Variants in GPR158 observed in about 807,000 individuals in gnomAD.
The protein encoded by GPR158 is G protein-coupled receptor 158, also known as metabotropic glycine receptor.
Under a neutral mutation model 78.2 loss-of-function variants are expected in GPR158, and 30 were observed. That is an observed-to-expected ratio of 0.38 (90% confidence interval 0.29 to 0.52). The LOEUF (loss-of-function observed/expected upper bound fraction) is 0.52. Ranked by LOEUF, GPR158 falls within the 20% of genes least tolerant of loss-of-function variation. The pLI is 0.83. For synonymous variants in GPR158, 581 were observed against 591.1 expected (o/e 0.98, Z 0.25); for missense variants, 1,463 against 1,523.5 (o/e 0.96, Z 0.66).
intron 5 of GPR158, among the ~76,000 whole-genome samples, chr10:25,493,270 C>T (rs1835835683): frequency 6.6e-6 from 1 of 152,160 alleles, no homozygotes; most frequent in Non-Finnish European, 1.5e-5. Flanking sequence ...CTGCCTTTGT[C>T]CTCTCTGGTC....
intron 2 of GPR158, among the ~76,000 whole-genome samples, chr10:25,352,237 A>C (rs1445438208): frequency 2.6e-5 from 4 of 152,072 alleles, no homozygotes; most frequent in Non-Finnish European, 5.9e-5. Flanking sequence ...ACCCGTAGTG[A>C]TAAAGGTAAG....
chr10:25,588,992 T>C lies in GPR158; in HGVS notation c.1754-15T>C. ...CACCTATAAAACTCATGAAAATGGTTTGTTATTTTCACAGCTGAATTTTTA... is the reference window on the plus strand; with the variant it reads ...CACCTATAAAACTCATGAAAATGGTCTGTTATTTTCACAGCTGAATTTTTA... On this transcript the variant is annotated splice_polypyrimidine_tract_variant and intron_variant, in intron 7 of 10. Transcript: ENST00000376351. 6.6e-7 allele frequency: 1 copy of C among 1,523,296 alleles called. No homozygotes were observed. The highest frequency in any genetic ancestry group is 8.9e-7 in the Non-Finnish European group (1 of 1,119,752). The allele number at this position is 1,523,296 out of a possible 1,614,324, so 94.4% of individuals were successfully genotyped here.
intron 6 of GPR158, 31 bp downstream of exon 6, chr10:25,551,116 T>C: frequency 8.2e-7 from 1 of 1,214,090 alleles, no homozygotes; most frequent in South Asian, 1.2e-5. Context: ...GTCATTCTCA[T>C]GGAAAGATCA....
chr10:25,188,655 C>T (rs1329279610), intron 1 of GPR158, among the ~76,000 whole-genome samples: 23 of 152,118 alleles, frequency 1.5e-4, no homozygotes, highest in Non-Finnish European at 2.4e-4. Context: ...AAGACTTAAA[C>T]GTTAGACCTA....
rs901783441 is a variant in GPR158 at position 25,517,541 on chromosome 10, G to A, written c.1405-33435G>A. On this transcript the variant is annotated intron_variant, in intron 5 of 10. Transcript: ENST00000376351. ...GACAGCTCTTATTATTTTGAAATAC[G>A]TCCCATCAATACCTAATTTATTGAG... 2.5e-3 allele frequency among the ~76,000 whole-genome samples: 385 copies of A among 152,092 alleles called. 4 individuals carry two copies. The highest frequency in any genetic ancestry group is 8.8e-3 in the African/African-American group (365 of 41,416).
intron 4 of GPR158, among the ~76,000 whole-genome samples, chr10:25,430,966 T>A (rs1040342847): frequency 1.4e-5 from 2 of 145,148 alleles, no homozygotes; most frequent in Non-Finnish European, 1.5e-5. Flanking sequence ...GGACTTCACG[T>A]CTAAAACACC....
chr10:25,383,322 C>T (rs1834181628), intron 2 of GPR158, among the ~76,000 whole-genome samples: 1 of 152,080 alleles, frequency 6.6e-6, no homozygotes, highest in Non-Finnish European at 1.5e-5. Context: ...GAATAAGGCT[C>T]AGTAATCAAT....
In GPR158 at chr10:25,229,239, T is replaced by C. The variant is rs919345788; in HGVS notation, c.1008+8082T>C. 1.2e-4 allele frequency among the ~76,000 whole-genome samples: 18 copies of C among 152,064 alleles called. 1 individual carries two copies. Among genetic ancestry groups the C allele is most frequent in the African/African-American group, 4.3e-4 (18 of 41,402 alleles). On this transcript the variant is annotated intron_variant, in intron 2 of 10. Coordinates refer to ENST00000376351, the MANE Select transcript of GPR158 (RefSeq NM_020752.3). Reference sequence around the variant, plus strand: ...ATTTGAAGAACCTTGAGCATACCTGTGAGGAGGTGGCAGATTCATCGCTAT... The same window carrying C: ...ATTTGAAGAACCTTGAGCATACCTGCGAGGAGGTGGCAGATTCATCGCTAT...
chr10:25,225,585 T>C (rs1218346821), intron 2 of GPR158, among the ~76,000 whole-genome samples: 1 of 152,162 alleles, frequency 6.6e-6, no homozygotes, highest in Non-Finnish European at 1.5e-5. Flanking sequence ...ATGTTTCTTT[T>C]ATTAAAAAGT....
intron 2 of GPR158, among the ~76,000 whole-genome samples, chr10:25,361,417 G>C (rs1362932581): frequency 1.3e-5 from 2 of 151,874 alleles, no homozygotes; most frequent in Non-Finnish European, 2.9e-5. Context: ...ATATCTCTCA[G>C]AGATCCTGCT....
At chr10:25,563,789 TA>T (rs1836889653) in intron 6 of GPR158, among the ~76,000 whole-genome samples, 1 of 145,936 alleles carries the variant, frequency 6.9e-6, no homozygotes, top group Non-Finnish European at 1.5e-5. Flanking sequence ...CACAGATTTA[TA>T]CTTATTGTTT....
chr10:25,540,359 T>A lies in GPR158; in HGVS notation c.1405-10617T>A, dbSNP rs573315873. Among the ~76,000 whole-genome samples, 13 of 152,292 alleles carry A rather than the reference T, an allele frequency of 8.5e-5. 1 individual carries two copies. The East Asian group carries it at 2.5e-3, about 29-fold the overall frequency. ...CACTGTTGGTGGGACTATAAACTAGTTCAACCATTGTGGAAGACAGTGTGG... is the reference window on the plus strand; with the variant it reads ...CACTGTTGGTGGGACTATAAACTAGATCAACCATTGTGGAAGACAGTGTGG... On this transcript the variant is annotated intron_variant, in intron 5 of 10. Coordinates refer to ENST00000376351, the MANE Select transcript of GPR158 (RefSeq NM_020752.3).
intron 2 of GPR158, among the ~76,000 whole-genome samples, chr10:25,332,395 G>A (rs1344542702): frequency 6.6e-6 from 1 of 152,102 alleles, no homozygotes; most frequent in East Asian, 1.9e-4. Flanking sequence ...TATGATGTTG[G>A]TTTACTTGGA....
intron 4 of GPR158, among the ~76,000 whole-genome samples, chr10:25,442,801 A>G (rs1208939721): frequency 6.6e-6 from 1 of 152,088 alleles, no homozygotes; most frequent in Admixed American, 6.6e-5. Flanking sequence ...CCCCACTGCT[A>G]CCATTCCAGT....
In GPR158 at chr10:25,175,556, G is replaced by T. The variant is rs1852514171; in HGVS notation, c.136G>T (p.Ala46Ser). 6.2e-7 allele frequency: 1 copy of T among 1,611,026 alleles called. No individual in the cohort carries two copies. The highest frequency in any genetic ancestry group is 1.3e-5 in the African/African-American group (1 of 74,918). The change falls in exon 1 of 11, where the codon GCC (alanine) becomes TCC (serine). Residue 46 changes from alanine (A) to serine (S), a missense_variant. Physicochemically the swap from Ala to Ser is moderately conservative, Grantham distance 99. Coordinates refer to ENST00000376351, the MANE Select transcript of GPR158 (RefSeq NM_020752.3). The surrounding 1 kb of genome is among the most constrained non-coding windows in gnomAD (Gnocchi z 6.4). The part of the protein sequence containing the change: ...RERTPKGKPH[A>S]QQPGRASASD... ...GAGGACCCCGAAGGGGAAGCCGCAC[G>T]CCCAGCAGCCGGGTCGAGCCTCTGC...
chr10:25,414,068 T>C (rs1834628906), intron 4 of GPR158, among the ~76,000 whole-genome samples: 1 of 152,170 alleles, frequency 6.6e-6, no homozygotes, highest in South Asian at 2.1e-4. Context: ...CTCTCTGATA[T>C]AATGTAATTA....
chr10:25,589,207 TA>T lies in GPR158; in HGVS notation c.1892+64del, dbSNP rs1042827273. The T allele has an allele frequency of 6.7e-6, 8 of 1,190,614 alleles. No homozygotes were observed. In the African/African-American group the frequency reaches 1.0e-4, roughly 16 times the overall value. The allele number at this position is 1,190,614 out of a possible 1,614,324, so 73.8% of individuals were successfully genotyped here. ...TTTTTCTGATGTGTTGCTGTTTAAATAACAAAATTAGATAAGATGCATAATA... is the reference window on the plus strand; with the variant it reads ...TTTTTCTGATGTGTTGCTGTTTAAATACAAAATTAGATAAGATGCATAATA... On this transcript the variant is annotated intron_variant, in intron 8 of 10. Transcript: ENST00000376351.
chr10:25,296,415 C>T lies in GPR158; in HGVS notation c.1008+75258C>T, dbSNP rs554119062. Among the ~76,000 whole-genome samples the T allele has an allele frequency of 6.6e-5, 10 of 152,050 alleles. No homozygotes were observed. The South Asian group carries it at 1.3e-3, about 19-fold the overall frequency. ...ACAAGTAGCCAACCCTATTAGATAC[C>T]GTTTCACTTTTCATTATAACATTAT... On this transcript the variant is annotated intron_variant, in intron 2 of 10. Transcript: ENST00000376351.
chr10:25,248,971 T>G (rs887516192), intron 2 of GPR158, among the ~76,000 whole-genome samples: 9 of 150,486 alleles, frequency 6.0e-5, no homozygotes, highest in Non-Finnish European at 1.2e-4. Context: ...TCCATTTGTT[T>G]GTATCCTCTT....
Sources: gnomAD v4.1 joint callset for allele counts (sites outside exome capture counted in the v4.1 genomes callset) on GRCh38, gnomAD v4.1.1 for gene constraint, Gnocchi (gnomAD v3.1) non-coding constraint, MANE v1.5 for transcripts, NCBI Gene and HGNC (gene_info 2026-07-23, HGNC 2026-07-21) for gene names.